The following PADI2 variants were observed in gnomAD, a reference collection of about 807,000 sequenced individuals.
PADI2 encodes protein-arginine deiminase type-2.
In PADI2, 70 loss-of-function variants were observed where a neutral mutation model predicts 81.1. The observed-to-expected ratio is 0.86, with a 90% CI of 0.71 to 1.05. The LOEUF is 1.05. PADI2 is among the 50% of genes least tolerant of loss of function. PADI2 has a pLI of 0.00. For missense variants in PADI2, 853 were observed against 889.9 expected, an observed-to-expected ratio of 0.96 and a Z score of 0.53; for synonymous variants, 338 against 358.0, an observed-to-expected ratio of 0.94 and a Z score of 0.63.
intron 11 of PADI2, among the ~76,000 whole-genome samples, chr1:17,077,004 C>A (rs1268240690): frequency 6.6e-6 from 1 of 152,096 alleles, no homozygotes; most frequent in Non-Finnish European, 1.5e-5. Context: ...CCTCCTCCCT[C>A]GCTTCCCTCC....
intron 3 of PADI2, among the ~76,000 whole-genome samples, chr1:17,100,045 T>TGGG (rs55943567): frequency 2.7e-5 from 4 of 150,478 alleles, no homozygotes; most frequent in East Asian, 2.0e-4. Context: ...ATATTGGGGT[T>TGGG]GGGGGGGGGC....
chr1:17,075,602 G>A, intron 12 of PADI2, 77 bp downstream of exon 12: 1 of 1,335,432 alleles, frequency 7.5e-7, no homozygotes, highest in Non-Finnish European at 1.0e-6. Flanking sequence ...TCTAGCTCTT[G>A]CCCTCTGCTG....
chr1:17,119,381 C>T lies in PADI2; in HGVS notation c.-10G>A, dbSNP rs1931868166. ...TCCGCTCGCGCAGCATCCTCCCCGC[C>T]GCAGTGCCCGCGCTCGCTGGTCCGG... On this transcript the variant is annotated 5_prime_UTR_variant, in exon 1 of 16. Coordinates refer to ENST00000375486, the MANE Select transcript of PADI2 (RefSeq NM_007365.3). The surrounding 1 kb of genome is among the most constrained non-coding windows in gnomAD (Gnocchi z 4.8). 4 of 1,524,728 alleles carry T rather than the reference C, an allele frequency of 2.6e-6. No homozygotes were observed. The highest frequency in any genetic ancestry group is 3.5e-6 in the Non-Finnish European group (4 of 1,136,030). 94.4% of individuals were successfully genotyped at this position (1,524,728 alleles called of 1,614,324 possible).
chr1:17,095,371 T>C (rs771795776), intron 4 of PADI2, among the ~76,000 whole-genome samples: 4 of 152,178 alleles, frequency 2.6e-5, no homozygotes, highest in Non-Finnish European at 5.9e-5. Context: ...AATGGTCCTC[T>C]GTGGGGGAGC....
chr1:17,088,386 G>T (rs1400116228), intron 6 of PADI2, among the ~76,000 whole-genome samples: 2 of 152,140 alleles, frequency 1.3e-5, no homozygotes, highest in African/African-American at 4.8e-5. Flanking sequence ...GATGCTCAAG[G>T]GTTAGAACAC....
intron 10 of PADI2, among the ~76,000 whole-genome samples, chr1:17,079,797 T>C (rs2078330825): frequency 1.1e-5 from 1 of 90,122 alleles, no homozygotes; most frequent in African/African-American, 4.4e-5. Flanking sequence ...CCATCTGTTG[T>C]TGTTTTTTTT....
intron 1 of PADI2, among the ~76,000 whole-genome samples, chr1:17,105,399 G>T (rs189289680): frequency 0.016 from 2,304 of 143,218 alleles, 58 homozygotes; most frequent in African/African-American, 0.059. Context: ...CTTCTTTTTT[G>T]TGTGTGTGTG....
intron 1 of PADI2, among the ~76,000 whole-genome samples, chr1:17,108,974 T>G (rs1371163190): frequency 2.0e-5 from 3 of 152,156 alleles, no homozygotes; most frequent in Non-Finnish European, 4.4e-5. Flanking sequence ...CCAGGGACTT[T>G]CCCTCTCTCA....
intron 12 of PADI2, chr1:17,075,170 A>G: frequency 2.1e-6 from 1 of 474,490 alleles, no homozygotes; most frequent in Non-Finnish European, 3.8e-6. Context: ...TCAGAGTCAA[A>G]GGTGGACTTG....
intron 15 of PADI2, among the ~76,000 whole-genome samples, chr1:17,069,518 T>C (rs2076597): frequency 0.52 from 79,307 of 152,160 alleles, 21,567 homozygotes; most frequent in Non-Finnish European, 0.61. Flanking sequence ...TGTATGTATA[T>C]GTGGCTATAT....
chr1:17,113,846 G>A (rs1411216273), intron 1 of PADI2, among the ~76,000 whole-genome samples: 2 of 152,218 alleles, frequency 1.3e-5, no homozygotes, highest in Non-Finnish European at 2.9e-5. Flanking sequence ...AGTGCAGCAG[G>A]TATGTCTGGC....
At chr1:17,078,326 G>T (rs1306649753) in intron 11 of PADI2, among the ~76,000 whole-genome samples, 3 of 152,054 alleles carry the variant, frequency 2.0e-5, no homozygotes, top group Admixed American at 6.6e-5. Flanking sequence ...GGTCAGGCAG[G>T]TCTCAAACTC....
chr1:17,082,708 T>C, intron 9 of PADI2, 56 bp from the exon 10 acceptor site: 1 of 1,047,950 alleles, frequency 9.5e-7, no homozygotes, highest in Non-Finnish European at 1.4e-6. Flanking sequence ...TTTGTGCACA[T>C]GGGCAGAAAA....
intron 14 of PADI2, among the ~76,000 whole-genome samples, 183 bp downstream of exon 14, chr1:17,071,223 A>G (rs1360305293): frequency 6.6e-6 from 1 of 152,178 alleles, no homozygotes; most frequent in Non-Finnish European, 1.5e-5. Context: ...CTGGGACTTT[A>G]GCCCAGGAGC....
At chr1:17,100,327 G>A (rs1279001067) in intron 3 of PADI2, among the ~76,000 whole-genome samples, 4 of 151,998 alleles carry the variant, frequency 2.6e-5, no homozygotes, top group East Asian at 1.9e-4. Flanking sequence ...TTCTGTCGCC[G>A]AGGCTGGAGT....
chr1:17,083,658 A>T (rs1222549766), intron 9 of PADI2, 68 bp downstream of exon 9: 1 of 954,456 alleles, frequency 1.0e-6, no homozygotes, highest in Non-Finnish European at 1.7e-6. Flanking sequence ...GGCAGTTCAC[A>T]TGAAGCCAAC....
At chr1:17,117,714 G>GGATCATGCC (rs1189631723) in intron 1 of PADI2, among the ~76,000 whole-genome samples, 2 of 152,238 alleles carry the variant, frequency 1.3e-5, no homozygotes, top group Non-Finnish European at 2.9e-5. Flanking sequence ...CCGACTGGGA[G>GGATCATGCC]GATCATGCCA....
Position 17,084,675 on chromosome 1 carries a change from C to T in PADI2, c.862G>A (p.Asp288Asn), listed in dbSNP as rs149389436. 1 of 1,563,046 alleles carries T rather than the reference C, an allele frequency of 6.4e-7. No individual in the cohort carries two copies. Among genetic ancestry groups the T allele is most frequent in the Non-Finnish European group, 8.7e-7 (1 of 1,153,742 alleles). Reference sequence around the variant, plus strand: ...GGAGCAATCCGGAATATCACGGTGTCCGTGAAGATGGGAGTCAGGGGAATG... The same window carrying T: ...GGAGCAATCCGGAATATCACGGTGTTCGTGAAGATGGGAGTCAGGGGAATG... ...QDIPLTPIFTDTVIFRIAPWI... is the reference protein window; with the variant it reads ...QDIPLTPIFTNTVIFRIAPWI... Residue 288 changes from aspartate (D) to asparagine (N), a missense_variant, in exon 8 of 16, where the codon GAC becomes AAC. Transcript: ENST00000375486.
chr1:17,071,106 C>T lies in PADI2; in HGVS notation c.1635+300G>A, dbSNP rs114206311. Among the ~76,000 whole-genome samples the T allele has an allele frequency of 6.1e-3, 930 of 152,316 alleles. 11 individuals are homozygous for T. Among genetic ancestry groups the T allele is most frequent in the African/African-American group, 0.021 (880 of 41,566 alleles). On this transcript the variant is annotated intron_variant, in intron 14 of 15. Coordinates refer to ENST00000375486, the MANE Select transcript of PADI2 (RefSeq NM_007365.3). ...GGCATGAGACACTGTGTCTGGCCCC[C>T]ATTATCCCCTTTTTAGAGATGAGAG...
Sources: allele counts gnomAD v4.1 joint callset (sites outside exome capture counted in the v4.1 genomes callset), GRCh38; gene constraint gnomAD v4.1.1; non-coding constraint Gnocchi (gnomAD v3.1); transcripts MANE v1.5; gene names NCBI Gene and HGNC (gene_info 2026-07-23, HGNC 2026-07-21).